GNPTAB: variants seen among roughly 807,000 people sequenced by gnomAD.
GNPTAB encodes N-acetylglucosamine-1-phosphate transferase subunits alpha and beta.
In GNPTAB, 92 loss-of-function variants were observed where a neutral mutation model predicts 136.6. That is an observed-to-expected ratio of 0.67 (90% confidence interval 0.57 to 0.80). The LOEUF (loss-of-function observed/expected upper bound fraction) is 0.80. Among genes scored for constraint, GNPTAB ranks in the 30% least tolerant of loss-of-function variants. GNPTAB has a pLI of 0.00. For missense variants in GNPTAB, 1,343 were observed against 1,501.8 expected, an observed-to-expected ratio of 0.89 and a Z score of 1.75; for synonymous variants, 512 against 535.1, an observed-to-expected ratio of 0.96 and a Z score of 0.60.
chr12:101,786,306 T>G (rs1267652574), intron 4 of GNPTAB, 89 bp from the exon 5 acceptor site: 5 of 998,564 alleles, frequency 5.0e-6, no homozygotes, highest in East Asian at 2.6e-5. Flanking sequence ...TTTTTCAGAT[T>G]TTTTTATAGC....
At chr12:101,754,482 T>C (rs1256619725) in intron 18 of GNPTAB, among the ~76,000 whole-genome samples, 4 of 152,146 alleles carry the variant, frequency 2.6e-5, no homozygotes, top group African/African-American at 9.6e-5. Context: ...ATGATAGTTA[T>C]ATTACAAAGA....
chr12:101,830,210 T>C (rs148722233), intron 1 of GNPTAB, among the ~76,000 whole-genome samples: 60 of 152,238 alleles, frequency 3.9e-4, no homozygotes, highest in Middle Eastern at 3.4e-3. Flanking sequence ...CTGGGCAACA[T>C]AGGGAGACCT....
chr12:101,789,157 T>C (rs1028386116), intron 3 of GNPTAB, among the ~76,000 whole-genome samples: 6 of 152,212 alleles, frequency 3.9e-5, no homozygotes, highest in African/African-American at 1.4e-4. Context: ...TTCAAGAAGA[T>C]ACCACACCTG....
chr12:101,780,150 AC>A lies in GNPTAB; in HGVS notation c.771+1del. ...TAATTGCTCTATTTTCTATGTTCTTACCAGTTTGACTTTAGAGGAAAGATTT... is the reference window on the plus strand; with the variant it reads ...TAATTGCTCTATTTTCTATGTTCTTACAGTTTGACTTTAGAGGAAAGATTT... On this transcript the variant is annotated splice_donor_variant, in intron 7 of 20. Coordinates refer to ENST00000299314, the MANE Select transcript of GNPTAB (RefSeq NM_024312.5). LOFTEE classifies it high-confidence loss of function. 4 of 1,612,582 alleles carry A rather than the reference AC, an allele frequency of 2.5e-6. No individual in the cohort carries two copies. The highest frequency in any genetic ancestry group is 3.4e-6 in the Non-Finnish European group (4 of 1,178,604).
At position 101,771,070 on chromosome 12, in the gene GNPTAB, T is replaced by A; in HGVS notation, c.859A>T (p.Asn287Tyr). Residue 287 changes from asparagine to tyrosine, a missense_variant, in exon 8 of 21, where the codon AAC becomes TAC. Transcript: ENST00000299314. ...FQELNKQTKK[N>Y]MTIDGKELTI... ...AGTTCTTTTCCATCAATGGTCATGT[T>A]CTTCTTAGTTTGCTTATTCAATTCT... 6.2e-7 allele frequency: 1 copy of A among 1,613,992 alleles called. No individual in the cohort carries two copies. Among genetic ancestry groups the A allele is most frequent in the South Asian group, 1.1e-5 (1 of 91,078 alleles).
In GNPTAB at chr12:101,830,616, G is replaced by GAGCCC. The variant is rs1566105925; in HGVS notation, c.55_59dup (p.Tyr21GlyfsTer64). 1 of 1,613,218 alleles carries GAGCCC rather than the reference G, an allele frequency of 6.2e-7. No individual in the cohort carries two copies. Among genetic ancestry groups the GAGCCC allele is most frequent in the South Asian group, 1.1e-5 (1 of 91,050 alleles). ...CAACGACGCCCAAGAAGCACACGTA[G>GAGCCC]AGCCCATACCTGTGGGACAGGCAGG... On this transcript the variant is annotated frameshift_variant, in exon 1 of 21. Coordinates refer to ENST00000299314, the MANE Select transcript of GNPTAB (RefSeq NM_024312.5). LOFTEE classifies it high-confidence loss of function.
chr12:101,827,686 C>T (rs1400946093), intron 1 of GNPTAB, among the ~76,000 whole-genome samples: 2 of 152,114 alleles, frequency 1.3e-5, no homozygotes, highest in Non-Finnish European at 2.9e-5. Flanking sequence ...TTCTGAGGGC[C>T]AGGCACAGTG....
intron 2 of GNPTAB, among the ~76,000 whole-genome samples, chr12:101,791,108 G>C (rs1868962273): frequency 6.6e-6 from 1 of 152,172 alleles, no homozygotes; most frequent in Non-Finnish European, 1.5e-5. Flanking sequence ...AGACCTTCCT[G>C]AACTTGCACC....
chr12:101,751,566 T>C (rs1246253544), intron 19 of GNPTAB, among the ~76,000 whole-genome samples: 2 of 152,196 alleles, frequency 1.3e-5, no homozygotes, highest in Non-Finnish European at 2.9e-5. Flanking sequence ...AGAAAACTTA[T>C]AAAGCAGCTT....
At chr12:101,806,887 T>G (rs1286688423) in intron 1 of GNPTAB, among the ~76,000 whole-genome samples, 1 of 152,160 alleles carries the variant, frequency 6.6e-6, no homozygotes, top group African/African-American at 2.4e-5. Flanking sequence ...CTACAATCTC[T>G]TTCAGAAAAT....
At chr12:101,805,354 T>C (rs1444922496) in intron 1 of GNPTAB, among the ~76,000 whole-genome samples, 1 of 152,218 alleles carries the variant, frequency 6.6e-6, no homozygotes, top group Non-Finnish European at 1.5e-5. Context: ...AAAATGAATT[T>C]GAAATGCTAA....
chr12:101,760,605 T>C (rs889958315), intron 15 of GNPTAB, among the ~76,000 whole-genome samples: 1 of 152,206 alleles, frequency 6.6e-6, no homozygotes, highest in South Asian at 2.1e-4. Flanking sequence ...CAATCCCTAC[T>C]GAAAACCTGC....
intron 10 of GNPTAB, among the ~76,000 whole-genome samples, chr12:101,768,614 C>G (rs1018435027): frequency 6.6e-6 from 1 of 152,170 alleles, no homozygotes; most frequent in Non-Finnish European, 1.5e-5. Context: ...ACAATATCCT[C>G]TCTCTTCAAG....
At chr12:101,771,577 A>AAAAC (rs1953177696) in intron 7 of GNPTAB, among the ~76,000 whole-genome samples, 1 of 151,910 alleles carries the variant, frequency 6.6e-6, no homozygotes, top group Admixed American at 6.6e-5. Flanking sequence ...AGACAATATC[A>AAAAC]AAACACAACA....
rs148918729 is a variant in GNPTAB, at chr12:101,761,148, G to A, written c.3114C>T (p.His1038=). ...ACACCTGCAAACTTAACGGCAGTTCGTGAATTCTGGTAGCCAGTGTTCGGA... is the reference window on the plus strand; with the variant it reads ...ACACCTGCAAACTTAACGGCAGTTCATGAATTCTGGTAGCCAGTGTTCGGA... ...REIRTLATRI[H]ELPLSLQDLT... The change falls in exon 15 of 21, where the codon CAC becomes CAT. Residue 1038 remains histidine (H), a synonymous_variant. Coordinates refer to ENST00000299314, the MANE Select transcript of GNPTAB (RefSeq NM_024312.5). The A allele has an allele frequency of 7.6e-5, 123 of 1,612,928 alleles. No individual in the cohort carries two copies. The African/African-American group carries it at 1.3e-3, about 17-fold the overall frequency.
chr12:101,822,179 C>T (rs555040042), intron 1 of GNPTAB, among the ~76,000 whole-genome samples: 41 of 152,132 alleles, frequency 2.7e-4, no homozygotes, highest in African/African-American at 1.2e-4. Context: ...TTTGGGAGGC[C>T]GAGGCGGGCG....
intron 19 of GNPTAB, 144 bp from the exon 20 acceptor site, chr12:101,749,335 T>C: frequency 1.5e-6 from 1 of 667,860 alleles, no homozygotes; most frequent in Non-Finnish European, 2.7e-6. Flanking sequence ...GCTCACACAA[T>C]ATACATTTCC....
At chr12:101,749,897 G>C (rs1366411516) in intron 19 of GNPTAB, among the ~76,000 whole-genome samples, 1 of 152,210 alleles carries the variant, frequency 6.6e-6, no homozygotes, top group Admixed American at 6.5e-5. Context: ...CCACACCGTG[G>C]GGTCTGGACA....
At chr12:101,756,110 G>C (rs1233094984) in intron 18 of GNPTAB, 2 of 153,482 alleles carry the variant, frequency 1.3e-5, no homozygotes, top group African/African-American at 4.8e-5. Flanking sequence ...TATGCAAAGA[G>C]GGCTGTACGC....
Sources: gnomAD v4.1 joint callset for allele counts (sites outside exome capture counted in the v4.1 genomes callset) on GRCh38, gnomAD v4.1.1 for gene constraint, MANE v1.5 for transcripts, NCBI Gene and HGNC (gene_info 2026-07-23, HGNC 2026-07-21) for gene names.